ZC2HC1C: variants seen among roughly 807,000 people sequenced by gnomAD.
ZC2HC1C encodes the protein zinc finger C2HC-type containing 1C, also known as zinc finger C2HC domain-containing protein 1C.
ZC2HC1C carries 25 observed loss-of-function variants against 39.2 expected under a neutral mutation model. The observed-to-expected ratio is 0.64, with a 90% CI of 0.47 to 0.89. The LOEUF (loss-of-function observed/expected upper bound fraction) is 0.89. ZC2HC1C is among the 40% of genes least tolerant of loss of function. ZC2HC1C has a pLI of 0.00. For synonymous variants in ZC2HC1C, 209 were observed against 214.4 expected, an observed-to-expected ratio of 0.97 and a Z score of 0.22; for missense variants, 519 against 548.6, an observed-to-expected ratio of 0.95 and a Z score of 0.54.
At chr14:75,072,474 A>C (rs1184537924) in intron 2 of ZC2HC1C, among the ~76,000 whole-genome samples, 1 of 152,238 alleles carries the variant, frequency 6.6e-6, no homozygotes, top group Non-Finnish European at 1.5e-5. Flanking sequence ...TTAAGTTTGG[A>C]ATTCTTTTTC....
At chr14:75,075,586 C>A (rs754844592) in intron 2 of ZC2HC1C, among the ~76,000 whole-genome samples, 11 of 152,150 alleles carry the variant, frequency 7.2e-5, no homozygotes, top group Non-Finnish European at 1.5e-4. Flanking sequence ...AAATCTAATG[C>A]CATTTTGATT....
At chr14:75,074,565 G>GTT (rs574488702) in intron 2 of ZC2HC1C, among the ~76,000 whole-genome samples, 1 of 150,308 alleles carries the variant, frequency 6.7e-6, no homozygotes, top group Admixed American at 6.6e-5. Context: ...TACATTACCT[G>GTT]TTTTTTTTTG....
chr14:75,077,414 C>G (rs1272213170), intron 2 of ZC2HC1C, 118 bp from the exon 3 acceptor site: 2 of 1,361,442 alleles, frequency 1.5e-6, no homozygotes, highest in African/African-American at 2.9e-5. Flanking sequence ...TGCTCCTTTC[C>G]TGTTCTCTTT....
At position 75,071,839 on chromosome 14, in the gene ZC2HC1C, C is replaced by A; in HGVS notation, c.1266C>A (p.Asp422Glu). The change falls in exon 2 of 3, where the codon GAC becomes GAA. Residue 422 changes from aspartate (D) to glutamate (E), a missense_variant. Physicochemically the swap from Asp to Glu is conservative, Grantham distance 45 (BLOSUM62 2). Transcript: ENST00000524913. ...RMRGSKRKVFDSSRARAKGTE... is the reference protein window; with the variant it reads ...RMRGSKRKVFESSRARAKGTE... Reference sequence around the variant, plus strand: ...GGGGTTCCAAGAGGAAAGTGTTTGACTCCTCCAGGGCCCGGGCTAAGGGCA... The same window carrying A: ...GGGGTTCCAAGAGGAAAGTGTTTGAATCCTCCAGGGCCCGGGCTAAGGGCA... 1 of 1,614,142 alleles carries A rather than the reference C, an allele frequency of 6.2e-7. No homozygotes were observed. Among genetic ancestry groups the A allele is most frequent in the Non-Finnish European group, 8.5e-7 (1 of 1,180,002 alleles).
rs1893518215 is a variant in ZC2HC1C, at chr14:75,073,489, C to T, written c.1338+1578C>T. ...GCAACTAGTTTGTGGGAATGTGTGA[C>T]ATTGAGGACACCAAGACAGAAGGGA... On this transcript the variant is annotated intron_variant, in intron 2 of 2. Coordinates refer to ENST00000524913, the MANE Select transcript of ZC2HC1C (RefSeq NM_024643.4). The T allele has an allele frequency of 3.3e-5, 30 of 912,416 alleles. No homozygotes were observed. In the South Asian group the frequency reaches 3.6e-4, roughly 11 times the overall value. 56.5% of individuals were successfully genotyped at this position (912,416 alleles called of 1,614,324 possible).
At position 75,077,925 on chromosome 14, in the gene ZC2HC1C, CTG is replaced by C. The variant is rs2139689396; in HGVS notation, c.*364_*365del. On this transcript the variant is annotated 3_prime_UTR_variant, in exon 3 of 3. Coordinates refer to ENST00000524913, the MANE Select transcript of ZC2HC1C (RefSeq NM_024643.4). ...CCAGATCTGCCTGCAGAGCTAAAAT[CTG>C]TGAGGAGAGAGCCACTGCTAAGCAG... The C allele has an allele frequency of 4.1e-6, 1 of 246,010 alleles. No individual in the cohort carries two copies. Among genetic ancestry groups the C allele is most frequent in the African/African-American group, 2.3e-5 (1 of 44,184 alleles). The allele number at this position is 246,010 out of a possible 1,614,324, so 15.2% of individuals were successfully genotyped here.
rs1893422117 is a variant in ZC2HC1C, at chr14:75,071,642, C to T, written c.1069C>T (p.Pro357Ser). 1 of 1,614,112 alleles carries T rather than the reference C, an allele frequency of 6.2e-7. No individual in the cohort carries two copies. The highest frequency in any genetic ancestry group is 1.3e-5 in the African/African-American group (1 of 74,932). Residue 357 changes from proline to serine, a missense_variant, in exon 2 of 3, where the codon CCA becomes TCA. By Grantham distance (74) the Pro-to-Ser change is moderately conservative. Transcript: ENST00000524913. The stretch of plus-strand genomic sequence containing the variant: ...GAAATTCTCCCCGCCTTCAGAAACA[C>T]CAGTCGGTGCTTTGCAGGGATCCGC... ...VEKFSPPSET[P>S]VGALQGSARN...
intron 2 of ZC2HC1C, among the ~76,000 whole-genome samples, chr14:75,072,302 G>A (rs1893464714): frequency 2.6e-5 from 4 of 152,120 alleles, no homozygotes. Context: ...AAAATCTAAA[G>A]AAAAAAATGC....
Position 75,078,788 on chromosome 14 carries a change from T to C in ZC2HC1C, c.*1224T>C, listed in dbSNP as rs1893785072. On this transcript the variant is annotated 3_prime_UTR_variant, in exon 3 of 3. Coordinates refer to ENST00000524913, the MANE Select transcript of ZC2HC1C (RefSeq NM_024643.4). ...TCACATGCCCTTGGCAATTATAGCA[T>C]AGTCAACTTCTATTTCAGAGAGTAA... The C allele has an allele frequency of 6.6e-6, 1 of 152,122 alleles. No individual in the cohort carries two copies. The allele number at this position is 152,122 out of a possible 1,614,324, so 9.4% of individuals were successfully genotyped here.
Position 75,070,606 on chromosome 14 carries a change from G to A in ZC2HC1C, c.33G>A (p.Leu11=), listed in dbSNP as rs1893320976. Reference sequence around the variant, plus strand: ...GTCTCCAGCGGTTGGCGTCACATCTGCCTGTGGGCGTTATGCTCCCACATA... The same window carrying A: ...GTCTCCAGCGGTTGGCGTCACATCTACCTGTGGGCGTTATGCTCCCACATA... MAGLQRLASH[L]PVGVMLPHNT... Residue 11 remains leucine (L), a synonymous_variant, in exon 2 of 3, where the codon CTG becomes CTA. Coordinates refer to ENST00000524913, the MANE Select transcript of ZC2HC1C (RefSeq NM_024643.4). The A allele has an allele frequency of 6.2e-7, 1 of 1,613,422 alleles. No individual in the cohort carries two copies. Among genetic ancestry groups the A allele is most frequent in the African/African-American group, 1.3e-5 (1 of 74,918 alleles).
chr14:75,073,019 T>C (rs1893496507), intron 2 of ZC2HC1C, among the ~76,000 whole-genome samples: 1 of 152,228 alleles, frequency 6.6e-6, no homozygotes, highest in Non-Finnish European at 1.5e-5. Flanking sequence ...TTTTCATTTC[T>C]TCCCAACCCT....
intron 2 of ZC2HC1C, 147 bp from the exon 3 acceptor site, chr14:75,077,385 G>A (rs1049904068): frequency 8.6e-6 from 9 of 1,051,156 alleles, no homozygotes; most frequent in Non-Finnish European, 1.2e-5. Context: ...CTCAACGCTG[G>A]CAAGTCAGTT....
chr14:75,071,113 G>C lies in ZC2HC1C; in HGVS notation c.540G>C (p.Val180=), dbSNP rs761225495. Residue 180 remains valine, a synonymous_variant, in exon 2 of 3, where the codon GTG becomes GTC. Coordinates refer to ENST00000524913, the MANE Select transcript of ZC2HC1C (RefSeq NM_024643.4). ...PREFSSRNFG[V]RNQGNFSVVG... Reference sequence around the variant, plus strand: ...AGTTTTCATCTAGGAACTTTGGTGTGAGGAACCAGGGCAACTTTTCTGTGG... The same window carrying C: ...AGTTTTCATCTAGGAACTTTGGTGTCAGGAACCAGGGCAACTTTTCTGTGG... 7 of 1,614,202 alleles carry C rather than the reference G, an allele frequency of 4.3e-6. No individual in the cohort carries two copies. In the South Asian group the frequency reaches 7.7e-5, roughly 18 times the overall value.
At chr14:75,077,020 T>C (rs894419351) in intron 2 of ZC2HC1C, among the ~76,000 whole-genome samples, 1 of 152,172 alleles carries the variant, frequency 6.6e-6, no homozygotes, top group African/African-American at 2.4e-5. Flanking sequence ...CTTGGTACTC[T>C]GGGGGCTGAG....
Position 75,078,940 on chromosome 14 carries a change from C to T in ZC2HC1C, c.*1376C>T, listed in dbSNP as rs1893788645. ...TAAACAAGAAGATGAGTGAGTCCTA[C>T]ACTAGTGAAATCAGAGAACTGATAA... On this transcript the variant is annotated 3_prime_UTR_variant, in exon 3 of 3. Transcript: ENST00000524913. 6.6e-6 allele frequency: 1 copy of T among 152,124 alleles called. No homozygotes were observed. The highest frequency in any genetic ancestry group is 2.4e-5 in the African/African-American group (1 of 41,418). The allele number at this position is 152,124 out of a possible 1,614,324, so 9.4% of individuals were successfully genotyped here. A position where few individuals can be genotyped will look rare whatever the true frequency, so the allele number is the denominator to read the frequency against.
intron 2 of ZC2HC1C, among the ~76,000 whole-genome samples, chr14:75,076,262 C>CTAGT (rs1010005646): frequency 6.6e-6 from 1 of 151,800 alleles, no homozygotes; most frequent in African/African-American, 2.4e-5. Context: ...TACAACATTT[C>CTAGT]TATTTATTTA....
intron 2 of ZC2HC1C, among the ~76,000 whole-genome samples, chr14:75,072,421 G>T (rs1411448426): frequency 1.3e-5 from 2 of 152,206 alleles, no homozygotes; most frequent in African/African-American, 2.4e-5. Flanking sequence ...TTTAAGGTTA[G>T]CTCAGTGTTA....
chr14:75,078,286 A>T lies in ZC2HC1C; in HGVS notation c.*722A>T, dbSNP rs1893771602. ...TAATACAATTTTGCTATAAGGCATTATTAATGGAAATCTATCCTTGGTCTC... is the reference window on the plus strand; with the variant it reads ...TAATACAATTTTGCTATAAGGCATTTTTAATGGAAATCTATCCTTGGTCTC... On this transcript the variant is annotated 3_prime_UTR_variant, in exon 3 of 3. Transcript: ENST00000524913. 6.6e-6 allele frequency: 1 copy of T among 152,256 alleles called. No individual in the cohort carries two copies. The highest frequency in any genetic ancestry group is 6.5e-5 in the Admixed American group (1 of 15,286). 9.4% of individuals were successfully genotyped at this position (152,256 alleles called of 1,614,324 possible). A position where few individuals can be genotyped will look rare whatever the true frequency, so the allele number is the denominator to read the frequency against.
intron 1 of ZC2HC1C, 34 bp from the exon 2 acceptor site, chr14:75,070,521 C>G: frequency 6.5e-7 from 1 of 1,539,780 alleles, no homozygotes; most frequent in Non-Finnish European, 8.7e-7. Flanking sequence ...CTCAGACAAA[C>G]TCTTCCCGTG....
Sources: allele counts gnomAD v4.1 joint callset (sites outside exome capture counted in the v4.1 genomes callset), GRCh38; gene constraint gnomAD v4.1.1; transcripts MANE v1.5; gene names NCBI Gene and HGNC (gene_info 2026-07-23, HGNC 2026-07-21).